Variants in KHDRBS3 observed in about 807,000 individuals in gnomAD.
KHDRBS3 encodes the protein KH RNA binding domain containing, signal transduction associated 3.
KHDRBS3 carries 23 observed loss-of-function variants against 45.6 expected under a neutral mutation model. The observed-to-expected ratio is 0.50, with a 90% CI of 0.36 to 0.72. KHDRBS3 has a LOEUF of 0.72. Among genes scored for constraint, KHDRBS3 ranks in the 30% least tolerant of loss-of-function variants. KHDRBS3 has a pLI of 0.00. For synonymous variants in KHDRBS3, 162 were observed against 156.5 expected (o/e 1.04, Z -0.26); for missense variants, 352 against 424.8 (o/e 0.83, Z 1.51).
At chr8:135,488,960 A>C (rs772385786) in intron 1 of KHDRBS3, among the ~76,000 whole-genome samples, 56 of 152,170 alleles carry the variant, frequency 3.7e-4, no homozygotes, top group Non-Finnish European at 6.9e-4. Flanking sequence ...TAGTTGTGCA[A>C]TGTTGGTTAC....
At chr8:135,509,960 T>G (rs2130571528) in intron 1 of KHDRBS3, among the ~76,000 whole-genome samples, 1 of 151,050 alleles carries the variant, frequency 6.6e-6, no homozygotes, top group South Asian at 2.1e-4. Flanking sequence ...CATTGAAATT[T>G]TCTTTCCCCC....
intron 5 of KHDRBS3, among the ~76,000 whole-genome samples, chr8:135,559,285 T>C (rs1827051317): frequency 6.6e-6 from 1 of 152,212 alleles, no homozygotes; most frequent in African/African-American, 2.4e-5. Flanking sequence ...GTTAGTTTTA[T>C]CTTTGCTGTG....
At chr8:135,585,235 A>AG (rs1043915432) in intron 6 of KHDRBS3, among the ~76,000 whole-genome samples, 2 of 151,568 alleles carry the variant, frequency 1.3e-5, no homozygotes, top group African/African-American at 4.8e-5. Flanking sequence ...TCTCAAAAAA[A>AG]AAAAAAAAAA....
At chr8:135,482,188 T>A (rs1458574820) in intron 1 of KHDRBS3, among the ~76,000 whole-genome samples, 1 of 152,226 alleles carries the variant, frequency 6.6e-6, no homozygotes, top group Non-Finnish European at 1.5e-5. Context: ...ATAAAAGATG[T>A]CATTAATGTC....
At chr8:135,603,579 A>G (rs1341964104) in intron 6 of KHDRBS3, among the ~76,000 whole-genome samples, 1 of 152,184 alleles carries the variant, frequency 6.6e-6, no homozygotes, top group African/African-American at 2.4e-5. Flanking sequence ...CCATTTAATG[A>G]CTATCATTTT....
intron 7 of KHDRBS3, 33 bp downstream of exon 7, chr8:135,607,070 A>G (rs1419387198): frequency 4.0e-6 from 6 of 1,497,298 alleles, no homozygotes; most frequent in South Asian, 2.3e-5. Context: ...AGACCCCACA[A>G]CAGAAACCAT....
At chr8:135,614,716 A>C (rs1829846760) in intron 7 of KHDRBS3, among the ~76,000 whole-genome samples, 1 of 151,808 alleles carries the variant, frequency 6.6e-6, no homozygotes, top group Admixed American at 6.6e-5. Flanking sequence ...GGAAAAAAAA[A>C]CAAAAAAAAG....
At chr8:135,496,241 A>AT (rs1410223292) in intron 1 of KHDRBS3, among the ~76,000 whole-genome samples, 22 of 149,724 alleles carry the variant, frequency 1.5e-4, no homozygotes, top group East Asian at 3.9e-4. Flanking sequence ...CTTCAGAAGC[A>AT]TTTTTTTTTG....
At chr8:135,538,027 T>C (rs1825861992) in intron 2 of KHDRBS3, among the ~76,000 whole-genome samples, 1 of 152,192 alleles carries the variant, frequency 6.6e-6, no homozygotes. Flanking sequence ...GAGAAAGCAC[T>C]GACCATGAGA....
At chr8:135,576,304 A>G (rs931504149) in intron 5 of KHDRBS3, among the ~76,000 whole-genome samples, 1 of 152,182 alleles carries the variant, frequency 6.6e-6, no homozygotes, top group African/African-American at 2.4e-5. Context: ...GGAACCCCTG[A>G]TTAAGAAGTG....
intron 5 of KHDRBS3, among the ~76,000 whole-genome samples, chr8:135,570,681 C>T (rs1827658128): frequency 6.6e-6 from 1 of 152,160 alleles, no homozygotes; most frequent in Non-Finnish European, 1.5e-5. Flanking sequence ...TCTTCTCCTT[C>T]CTTCCAACTC....
chr8:135,560,920 G>C (rs555957717), intron 5 of KHDRBS3, among the ~76,000 whole-genome samples: 1 of 152,092 alleles, frequency 6.6e-6, no homozygotes, highest in Non-Finnish European at 1.5e-5. Flanking sequence ...GCACCAGCAG[G>C]GCACTGAACA....
downstream of KHDRBS3, among the ~76,000 whole-genome samples, chr8:135,650,613 C>T (rs946240980): frequency 3.3e-5 from 5 of 152,162 alleles, no homozygotes; most frequent in Admixed American, 6.5e-5. Context: ...GGATTTGAAC[C>T]GATTGACTTC....
intron 7 of KHDRBS3, among the ~76,000 whole-genome samples, chr8:135,641,160 A>G (rs1278814395): frequency 6.6e-6 from 1 of 152,194 alleles, no homozygotes; most frequent in African/African-American, 2.4e-5. Context: ...GCATTAAAAA[A>G]CATTCTTTAC....
At chr8:135,482,159 T>C (rs922524454) in intron 1 of KHDRBS3, among the ~76,000 whole-genome samples, 1 of 152,196 alleles carries the variant, frequency 6.6e-6, no homozygotes, top group Non-Finnish European at 1.5e-5. Context: ...CTGGTTTTCT[T>C]CTGGGTTTTG....
chr8:135,570,311 T>C (rs1827640739), intron 5 of KHDRBS3, among the ~76,000 whole-genome samples: 1 of 152,210 alleles, frequency 6.6e-6, no homozygotes, highest in Non-Finnish European at 1.5e-5. Context: ...AGATATTATC[T>C]TTAAAATTGA....
intron 2 of KHDRBS3, among the ~76,000 whole-genome samples, chr8:135,537,208 T>C (rs1237074946): frequency 1.3e-5 from 2 of 152,072 alleles, no homozygotes; most frequent in African/African-American, 4.8e-5. Flanking sequence ...AAGAAGAGCA[T>C]GTTTGAAGCT....
At chr8:135,466,027 G>A (rs945640423) in intron 1 of KHDRBS3, among the ~76,000 whole-genome samples, 2 of 152,118 alleles carry the variant, frequency 1.3e-5, no homozygotes, top group Non-Finnish European at 2.9e-5. Context: ...TGCCGTTTGT[G>A]CTCTGCTTTT....
chr8:135,597,673 G>A (rs762819800), intron 6 of KHDRBS3, among the ~76,000 whole-genome samples: 11 of 152,002 alleles, frequency 7.2e-5, no homozygotes, highest in South Asian at 2.1e-4. Context: ...CTATGTCCCC[G>A]GTGCTCAGCA....
Sources: gnomAD v4.1 joint callset for allele counts (sites outside exome capture counted in the v4.1 genomes callset) on GRCh38, gnomAD v4.1.1 for gene constraint, MANE v1.5 for transcripts, NCBI Gene and HGNC (gene_info 2026-07-23, HGNC 2026-07-21) for gene names.